Variants in SEMA3E observed in about 807,000 individuals in gnomAD.
The protein encoded by SEMA3E is semaphorin 3E.
A neutral mutation model predicts 93.6 loss-of-function variants in SEMA3E; 49 were observed. That is an observed-to-expected ratio of 0.52 (90% CI 0.42 to 0.66). The LOEUF (loss-of-function observed/expected upper bound fraction) is 0.66. SEMA3E is among the 30% of genes least tolerant of loss of function. The pLI, the probability that SEMA3E is intolerant of heterozygous loss-of-function variation, is 0.00. For missense variants in SEMA3E, 906 were observed against 964.8 expected (o/e 0.94, Z 0.81); for synonymous variants, 363 against 330.7 (o/e 1.10, Z -1.06).
chr7:83,403,828 T>A (rs1278816776), intron 9 of SEMA3E, among the ~76,000 whole-genome samples: 1 of 151,910 alleles, frequency 6.6e-6, no homozygotes, highest in Non-Finnish European at 1.5e-5. Flanking sequence ...CTAACTAAAG[T>A]GGTAGCACGC....
Position 83,534,944 on chromosome 7 carries a change from A to G in SEMA3E, c.116-44670T>C, listed in dbSNP as rs181282155. On this transcript the variant is annotated intron_variant, in intron 1 of 16. Coordinates refer to ENST00000643230, the MANE Select transcript of SEMA3E (RefSeq NM_012431.3). The stretch of plus-strand genomic sequence containing the variant: ...ATAGGATTTTATCCTCGGGGCAATA[A>G]TAAGCCATTCCTCTGCAGGAATCAA... Among the ~76,000 whole-genome samples the G allele has an allele frequency of 1.6e-3, 240 of 152,304 alleles. 3 individuals are homozygous for G. Among genetic ancestry groups the G allele is most frequent in the Non-Finnish European group, 1.8e-4 (12 of 68,030 alleles).
intron 12 of SEMA3E, 115 bp downstream of exon 12, chr7:83,396,523 C>G: frequency 1.5e-6 from 1 of 662,926 alleles, no homozygotes; most frequent in East Asian, 2.8e-5. Flanking sequence ...TATATTAGCT[C>G]TGAATCCACA....
intron 1 of SEMA3E, among the ~76,000 whole-genome samples, chr7:83,600,343 G>A (rs1035083134): frequency 9.3e-5 from 14 of 150,464 alleles, no homozygotes; most frequent in African/African-American, 2.2e-4. Flanking sequence ...TCCTTGAGGC[G>A]GAGTCTCGCT....
chr7:83,545,139 A>G (rs1791617745), intron 1 of SEMA3E, among the ~76,000 whole-genome samples: 1 of 152,124 alleles, frequency 6.6e-6, no homozygotes. Context: ...GAATATTTGA[A>G]GATGTGATTT....
At chr7:83,516,800 A>G (rs2115669819) in intron 1 of SEMA3E, among the ~76,000 whole-genome samples, 1 of 152,190 alleles carries the variant, frequency 6.6e-6, no homozygotes, top group Non-Finnish European at 1.5e-5. Context: ...GTTTTTAACT[A>G]TATCATAAAA....
intron 1 of SEMA3E, among the ~76,000 whole-genome samples, chr7:83,505,814 G>A (rs1790690747): frequency 1.3e-5 from 2 of 151,934 alleles, no homozygotes; most frequent in South Asian, 4.2e-4. Flanking sequence ...AGGAGATCGA[G>A]AACATCCTGG....
chr7:83,431,349 A>G (rs1376936943), intron 4 of SEMA3E, among the ~76,000 whole-genome samples: 1 of 151,614 alleles, frequency 6.6e-6, no homozygotes, highest in Admixed American at 6.6e-5. Context: ...TTTTTATTAG[A>G]AAAAAATAAA....
At chr7:83,605,885 C>T (rs1339239167) in intron 1 of SEMA3E, among the ~76,000 whole-genome samples, 1 of 152,048 alleles carries the variant, frequency 6.6e-6, no homozygotes, top group Non-Finnish European at 1.5e-5. Flanking sequence ...ATTTTTCTCC[C>T]GTTCTGTAGG....
intron 16 of SEMA3E, 129 bp downstream of exon 16, chr7:83,385,165 T>C (rs1787852648): frequency 1.2e-6 from 1 of 859,600 alleles, no homozygotes; most frequent in South Asian, 1.9e-5. Flanking sequence ...CAAATAAAAC[T>C]GACTTATTAA....
intron 1 of SEMA3E, among the ~76,000 whole-genome samples, chr7:83,590,693 A>G (rs115519509): frequency 0.012 from 1,830 of 152,218 alleles, 37 homozygotes; most frequent in African/African-American, 0.042. Context: ...TTTCTTCTGG[A>G]CCTTGCTGTC....
chr7:83,466,591 G>A lies in SEMA3E; in HGVS notation c.347C>T (p.Ala116Val). ...GTGATGCAAAACCCGAACATAATTT[G>A]CACATTCACCCTAAAGCAGGAAAAA... is the stretch of plus-strand genomic sequence containing the variant. ...IMKGKDAGEC[A>V]NYVRVLHHYN... The change falls in exon 4 of 17, where the codon GCA (alanine) becomes GTA (valine). Residue 116 changes from alanine to valine, a missense_variant. Coordinates refer to ENST00000643230, the MANE Select transcript of SEMA3E (RefSeq NM_012431.3). 1 of 1,613,394 alleles carries A rather than the reference G, an allele frequency of 6.2e-7. No individual in the cohort carries two copies. The highest frequency in any genetic ancestry group is 8.5e-7 in the Non-Finnish European group (1 of 1,179,960).
intron 1 of SEMA3E, among the ~76,000 whole-genome samples, chr7:83,532,891 T>C (rs1398772182): frequency 6.6e-6 from 1 of 152,130 alleles, no homozygotes; most frequent in Non-Finnish European, 1.5e-5. Flanking sequence ...TGATCTGTAA[T>C]GTAAGAAATT....
intron 16 of SEMA3E, among the ~76,000 whole-genome samples, chr7:83,380,610 T>C (rs1283640369): frequency 6.6e-6 from 1 of 151,986 alleles, no homozygotes; most frequent in Non-Finnish European, 1.5e-5. Context: ...GTTTCCCAGT[T>C]GGTTATTATG....
At chr7:83,374,588 G>A (rs1036842211) in intron 16 of SEMA3E, among the ~76,000 whole-genome samples, 1 of 152,144 alleles carries the variant, frequency 6.6e-6, no homozygotes, top group Middle Eastern at 3.2e-3. Flanking sequence ...GGTATGTTAA[G>A]TAACAGTCAA....
chr7:83,574,343 T>C (rs1359676257), intron 1 of SEMA3E, among the ~76,000 whole-genome samples: 1 of 151,824 alleles, frequency 6.6e-6, no homozygotes, highest in South Asian at 2.1e-4. Flanking sequence ...GAAAATGATA[T>C]GGCATAGAGC....
intron 1 of SEMA3E, among the ~76,000 whole-genome samples, chr7:83,581,254 A>C (rs572584472): frequency 4.7e-4 from 71 of 152,160 alleles, no homozygotes; most frequent in Middle Eastern, 3.4e-3. Flanking sequence ...CCCTTTGTGT[A>C]TCATTCCATC....
chr7:83,488,617 C>T (rs1393606846), intron 2 of SEMA3E, among the ~76,000 whole-genome samples: 1 of 152,146 alleles, frequency 6.6e-6, no homozygotes, highest in East Asian at 1.9e-4. Flanking sequence ...CAAGACTCAA[C>T]ACTGGACTCT....
intron 1 of SEMA3E, among the ~76,000 whole-genome samples, chr7:83,613,880 A>C (rs1793314804): frequency 6.6e-6 from 1 of 152,128 alleles, no homozygotes; most frequent in Admixed American, 6.6e-5. Context: ...TTAACAAAAA[A>C]TTACAAAATA....
chr7:83,412,504 G>C (rs1329889199), intron 5 of SEMA3E, among the ~76,000 whole-genome samples: 1 of 152,052 alleles, frequency 6.6e-6, no homozygotes, highest in Non-Finnish European at 1.5e-5. Context: ...CCAGCACTTT[G>C]TGCAGCCCAG....
Sources: allele counts gnomAD v4.1 joint callset (sites outside exome capture counted in the v4.1 genomes callset), GRCh38; gene constraint gnomAD v4.1.1; transcripts MANE v1.5; gene names NCBI Gene and HGNC (gene_info 2026-07-23, HGNC 2026-07-21).